The following SOX5 variants were observed in gnomAD, a reference collection of about 807,000 sequenced individuals.
SOX5 encodes transcription factor SOX-5.
Under a neutral mutation model 92.0 loss-of-function variants are expected in SOX5, and 9 were observed. The ratio of observed to expected loss-of-function variants is 0.10; its 90% confidence interval spans 0.06 to 0.17. The LOEUF (loss-of-function observed/expected upper bound fraction) is 0.17. Ranked by LOEUF, SOX5 falls within the 10% of genes least tolerant of loss-of-function variation. The pLI, the probability that SOX5 is intolerant of heterozygous loss-of-function variation, is 1.00. For synonymous variants in SOX5, 344 were observed against 336.3 expected, an observed-to-expected ratio of 1.02 and a Z score of -0.25; for missense variants, 642 against 944.5, an observed-to-expected ratio of 0.68 and a Z score of 4.20.
At chr12:24,284,705 T>A (rs1311433565) in intron 2 of SOX5, among the ~76,000 whole-genome samples, 1 of 152,176 alleles carries the variant, frequency 6.6e-6, no homozygotes, top group Non-Finnish European at 1.5e-5. Context: ...GGTAACCCCA[T>A]CTATTCCCTT....
chr12:24,086,014 T>C (rs1030820361), intron 4 of SOX5, among the ~76,000 whole-genome samples: 7 of 151,426 alleles, frequency 4.6e-5, no homozygotes, highest in Non-Finnish European at 7.4e-5. Context: ...GGTAGTAAAA[T>C]ACTTAAAGTA....
At chr12:23,777,889 T>A (rs1372602570) in intron 3 of SOX5, among the ~76,000 whole-genome samples, 1 of 152,222 alleles carries the variant, frequency 6.6e-6, no homozygotes, top group Non-Finnish European at 1.5e-5. Flanking sequence ...ATTCCCTTAG[T>A]TGGTCTCAGT....
At chr12:23,807,663 CAG>C (rs1260079859) in intron 3 of SOX5, among the ~76,000 whole-genome samples, 2 of 132,820 alleles carry the variant, frequency 1.5e-5, no homozygotes, top group South Asian at 2.5e-4. Flanking sequence ...TTTTTTGAGA[CAG>C]AGTTTTGCTG....
At chr12:24,315,087 C>G (rs116192754) in intron 2 of SOX5, among the ~76,000 whole-genome samples, 1 of 152,084 alleles carries the variant, frequency 6.6e-6, no homozygotes, top group Non-Finnish European at 1.5e-5. Context: ...AGAAACTTCC[C>G]TGAAATCAAA....
intron 4 of SOX5, among the ~76,000 whole-genome samples, chr12:24,108,233 C>A (rs1045600011): frequency 3.3e-5 from 5 of 152,048 alleles, no homozygotes; most frequent in Non-Finnish European, 7.4e-5. Flanking sequence ...TCACTTTGTT[C>A]CATTTTTATT....
At chr12:24,256,558 T>G (rs927201314) in intron 3 of SOX5, among the ~76,000 whole-genome samples, 3 of 152,140 alleles carry the variant, frequency 2.0e-5, no homozygotes, top group South Asian at 2.1e-4. Flanking sequence ...ACTGTAGCTC[T>G]TTTCTATTAA....
intron 3 of SOX5, among the ~76,000 whole-genome samples, chr12:23,844,219 C>G (rs2096550311): frequency 6.6e-6 from 1 of 152,160 alleles, no homozygotes; most frequent in Non-Finnish European, 1.5e-5. Flanking sequence ...CCTGCCGCTG[C>G]CCAGCAATGA....
At chr12:24,296,930 G>GACACACAC (rs34848004) in intron 2 of SOX5, among the ~76,000 whole-genome samples, 1 of 148,090 alleles carries the variant, frequency 6.8e-6, no homozygotes, top group Non-Finnish European at 1.5e-5. Context: ...TAGACAGACA[G>GACACACAC]ACACACACAC....
chr12:24,194,047 T>C (rs1331380280), intron 4 of SOX5, among the ~76,000 whole-genome samples: 1 of 152,160 alleles, frequency 6.6e-6, no homozygotes, highest in Non-Finnish European at 1.5e-5. Flanking sequence ...AATAAAACTA[T>C]ATAAAAGTGG....
At chr12:24,203,906 C>G (rs1441116335) in intron 4 of SOX5, among the ~76,000 whole-genome samples, 1 of 151,990 alleles carries the variant, frequency 6.6e-6, no homozygotes, top group Non-Finnish European at 1.5e-5. Context: ...ATGTGGGGTA[C>G]CCTGAATACT....
intron 3 of SOX5, among the ~76,000 whole-genome samples, chr12:23,786,168 T>C (rs2095373576): frequency 6.6e-6 from 1 of 152,052 alleles, no homozygotes; most frequent in Non-Finnish European, 1.5e-5. Context: ...TATAATAGGA[T>C]ATGAATCTTA....
intron 1 of SOX5, among the ~76,000 whole-genome samples, chr12:24,430,766 A>C (rs1938144239): frequency 6.6e-6 from 1 of 152,176 alleles, no homozygotes; most frequent in African/African-American, 2.4e-5. Flanking sequence ...AAAAGTTTGT[A>C]CATTTTATCT....
At position 24,053,081 on chromosome 12, in the gene SOX5, T is replaced by C. The variant is rs574965612; in HGVS notation, c.-1-157057A>G. ...TTCCACATTATTTGCAAATAAAAAC[T>C]TTTTCCACCCTTTGCTTCTTTTTTT... On this transcript the variant is annotated intron_variant, in intron 4 of 4. Transcript: ENST00000446891. 3.3e-5 allele frequency among the ~76,000 whole-genome samples: 5 copies of C among 152,246 alleles called. No homozygotes were observed. In the East Asian group the frequency reaches 5.8e-4, roughly 18 times the overall value.
intron 4 of SOX5, among the ~76,000 whole-genome samples, chr12:23,748,126 ATATTCT>A (rs2094057566): frequency 6.6e-6 from 1 of 151,998 alleles, no homozygotes; most frequent in Non-Finnish European, 1.5e-5. Flanking sequence ...ATTATATGTT[ATATTCT>A]TATTGATATA....
intron 1 of SOX5, among the ~76,000 whole-genome samples, chr12:24,524,462 T>C (rs947544194): frequency 6.6e-6 from 1 of 152,076 alleles, no homozygotes; most frequent in Admixed American, 6.6e-5. Flanking sequence ...ACACTCTATG[T>C]CTGTTAAGAG....
intron 1 of SOX5, among the ~76,000 whole-genome samples, chr12:23,911,503 G>A (rs190145748): frequency 7.9e-5 from 12 of 151,918 alleles, no homozygotes; most frequent in Admixed American, 2.0e-4. Flanking sequence ...CTTGTTGTTC[G>A]GTTTTTCTTC....
chr12:24,555,292 C>T (rs1486296247), intron 1 of SOX5, among the ~76,000 whole-genome samples: 1 of 152,134 alleles, frequency 6.6e-6, no homozygotes, highest in African/African-American at 2.4e-5. Flanking sequence ...CTGCCTCATG[C>T]TTTAGGGCCA....
intron 3 of SOX5, among the ~76,000 whole-genome samples, chr12:23,800,593 C>T (rs1366168873): frequency 1.3e-5 from 2 of 151,884 alleles, no homozygotes; most frequent in Non-Finnish European, 2.9e-5. Flanking sequence ...ATGGGCTAAG[C>T]AGCTACACCA....
intron 3 of SOX5, among the ~76,000 whole-genome samples, chr12:23,763,790 T>C (rs1393659767): frequency 6.6e-6 from 1 of 152,128 alleles, no homozygotes; most frequent in Non-Finnish European, 1.5e-5. Context: ...AGTGCTCTTT[T>C]CCCAGGGTCA....
Sources: allele counts gnomAD v4.1 joint callset (sites outside exome capture counted in the v4.1 genomes callset), GRCh38; gene constraint gnomAD v4.1.1; transcripts MANE v1.5; gene names NCBI Gene and HGNC (gene_info 2026-07-23, HGNC 2026-07-21).